RASSF5: variants seen among roughly 807,000 people sequenced by gnomAD.
RASSF5 encodes ras association domain-containing protein 5.
RASSF5 carries 25 observed loss-of-function variants against 40.5 expected under a neutral mutation model. The ratio of observed to expected loss-of-function variants is 0.62; its 90% CI spans 0.45 to 0.86. The LOEUF (loss-of-function observed/expected upper bound fraction) is 0.86, where lower values mean the gene tolerates loss of function less well. RASSF5 is among the 40% of genes least tolerant of loss of function. The pLI is 0.00. For synonymous variants in RASSF5, 246 were observed against 252.4 expected (o/e 0.97, Z 0.24); for missense variants, 521 against 572.8 (o/e 0.91, Z 0.92).
At chr1:206,532,683 G>T (rs1667273720) in intron 1 of RASSF5, among the ~76,000 whole-genome samples, 1 of 152,240 alleles carries the variant, frequency 6.6e-6, no homozygotes, top group Non-Finnish European at 1.5e-5. Context: ...AGAAGCTGCT[G>T]TTCACTGACC....
intron 1 of RASSF5, among the ~76,000 whole-genome samples, chr1:206,524,128 C>T (rs1255558206): frequency 8.4e-6 from 1 of 119,562 alleles, no homozygotes; most frequent in Non-Finnish European, 1.7e-5. Flanking sequence ...ATTATAGATA[C>T]CATATGTAAT....
At chr1:206,544,697 T>G (rs947773284) in intron 2 of RASSF5, 3 of 152,574 alleles carry the variant, frequency 2.0e-5, no homozygotes, top group Non-Finnish European at 4.4e-5. Flanking sequence ...CCCTGCTGCC[T>G]TTCTGCCTAC....
Position 206,524,768 on chromosome 1 carries a change from C to G in RASSF5, c.458-13404C>G, listed in dbSNP as rs931666835. 2.1e-5 allele frequency among the ~76,000 whole-genome samples: 3 copies of G among 146,122 alleles called. No homozygotes were observed. In the South Asian group the frequency reaches 6.4e-4, roughly 31 times the overall value. On this transcript the variant is annotated intron_variant, in intron 1 of 5. Transcript: ENST00000579436. ...GAAGGATTGCTTTCACTTGTCCTAG[C>G]AGGGAGTCAGTTAATATAGTCTATA...
rs1558521191 is a variant in RASSF5 at position 206,579,374 on chromosome 1, T to C, written c.580-3895T>C. Among the ~76,000 whole-genome samples the C allele has an allele frequency of 6.6e-6, 1 of 152,230 alleles. No individual in the cohort carries two copies. Among genetic ancestry groups the C allele is most frequent in the Non-Finnish European group, 1.5e-5 (1 of 68,040 alleles). The stretch of plus-strand genomic sequence containing the variant: ...CTTGGGCCACCCCAAGAGGCAAAAC[T>C]GTCTGCTTGGTTTCTCGCTTTGTAC... On this transcript the variant is annotated intron_variant, in intron 2 of 5. Coordinates refer to ENST00000579436, the MANE Select transcript of RASSF5 (RefSeq NM_182663.4). The surrounding 1 kb of genome is among the most constrained non-coding windows in gnomAD (Gnocchi z 4.2).
At chr1:206,549,102 G>A (rs1300587383) in intron 2 of RASSF5, among the ~76,000 whole-genome samples, 1 of 129,190 alleles carries the variant, frequency 7.7e-6, no homozygotes. Flanking sequence ...CTGACCTCAG[G>A]TGATCCACCC....
chr1:206,519,413 G>A (rs1469542231), intron 1 of RASSF5, among the ~76,000 whole-genome samples: 1 of 152,188 alleles, frequency 6.6e-6, no homozygotes, highest in Non-Finnish European at 1.5e-5. Flanking sequence ...ATTTACGTTT[G>A]TTTGCTTTTA....
At chr1:206,527,622 T>C (rs904612612) in intron 1 of RASSF5, among the ~76,000 whole-genome samples, 11 of 152,122 alleles carry the variant, frequency 7.2e-5, no homozygotes, top group Non-Finnish European at 1.2e-4. Context: ...TGGTTGAGCT[T>C]GGAGGAGAGC....
intron 2 of RASSF5, among the ~76,000 whole-genome samples, chr1:206,580,329 C>A (rs901172400): frequency 6.6e-6 from 1 of 152,140 alleles, no homozygotes; most frequent in East Asian, 1.9e-4. Context: ...GAGATCTTTC[C>A]GAAGCTTCTA....
chr1:206,508,487 C>T (rs1352262004), intron 1 of RASSF5, among the ~76,000 whole-genome samples: 5 of 152,132 alleles, frequency 3.3e-5, no homozygotes, highest in Non-Finnish European at 7.4e-5. Flanking sequence ...GACCGTTTGA[C>T]CCTTGCTTAT....
chr1:206,557,312 G>A (rs978889559), intron 2 of RASSF5: 3 of 1,252,004 alleles, frequency 2.4e-6, no homozygotes, highest in African/African-American at 3.2e-5. Context: ...CGCGAGCCGG[G>A]CGCCCGGGGC....
chr1:206,563,109 C>T (rs1553402909), intron 2 of RASSF5, among the ~76,000 whole-genome samples: 1 of 152,102 alleles, frequency 6.6e-6, no homozygotes, highest in Non-Finnish European at 1.5e-5. Context: ...ATCAGGATAA[C>T]ACATGGGAAG....
At chr1:206,522,140 A>G (rs1323092535) in intron 1 of RASSF5, among the ~76,000 whole-genome samples, 8 of 151,882 alleles carry the variant, frequency 5.3e-5, no homozygotes, top group African/African-American at 1.9e-4. Context: ...GAATCCTTTC[A>G]TACACTTCTT....
intron 2 of RASSF5, among the ~76,000 whole-genome samples, chr1:206,562,670 T>G (rs889021168): frequency 5.3e-5 from 8 of 152,136 alleles, no homozygotes; most frequent in Admixed American, 3.3e-4. Context: ...TGGTGGCTCA[T>G]GCCTGTAATC....
chr1:206,568,673 G>A (rs1668350207), intron 2 of RASSF5, among the ~76,000 whole-genome samples: 1 of 152,164 alleles, frequency 6.6e-6, no homozygotes, highest in East Asian at 1.9e-4. Flanking sequence ...CAGTCACCCG[G>A]GCCCTGTACA....
intron 2 of RASSF5, among the ~76,000 whole-genome samples, chr1:206,567,683 G>T (rs1553403604): frequency 6.6e-6 from 1 of 152,170 alleles, no homozygotes; most frequent in Admixed American, 6.5e-5. Flanking sequence ...ACAGTTGCCA[G>T]AGGTAGGGCT....
chr1:206,538,071 T>C, intron 1 of RASSF5, 101 bp from the exon 2 acceptor site: 2 of 1,528,272 alleles, frequency 1.3e-6, no homozygotes, highest in South Asian at 2.4e-5. Flanking sequence ...GCACTGCTCT[T>C]CCCACTGGGA....
At chr1:206,546,490 C>A (rs6677975) in intron 2 of RASSF5, among the ~76,000 whole-genome samples, 127,281 of 152,080 alleles carry the variant, frequency 0.84, 53,438 homozygotes, top group East Asian at 1. Context: ...TTTTGGACTA[C>A]TTGAATGTAC....
rs1485523455 is a variant in RASSF5 at position 206,584,146 on chromosome 1, C to T, written c.691-241C>T. Among the ~76,000 whole-genome samples the T allele has an allele frequency of 1.3e-5, 2 of 152,170 alleles. No individual in the cohort carries two copies. The highest frequency in any genetic ancestry group is 2.9e-5 in the Non-Finnish European group (2 of 68,016). The stretch of plus-strand genomic sequence containing the variant: ...GGTTTAGGGAGCTGGCCTGAGCCTC[C>T]TGGGAGGGAAATCCACTGCAGCCCC... On this transcript the variant is annotated intron_variant, in intron 3 of 5. Coordinates refer to ENST00000579436, the MANE Select transcript of RASSF5 (RefSeq NM_182663.4). This position sits in a 1 kb window ranked among gnomAD's most constrained non-coding sequence, Gnocchi z 4.9.
At chr1:206,519,166 G>A (rs1056945591) in intron 1 of RASSF5, among the ~76,000 whole-genome samples, 2 of 152,158 alleles carry the variant, frequency 1.3e-5, no homozygotes, top group Admixed American at 6.5e-5. Context: ...ACGGCATAGC[G>A]GTGAGTGAAA....
Sources: gnomAD v4.1 joint callset for allele counts (sites outside exome capture counted in the v4.1 genomes callset) on GRCh38, gnomAD v4.1.1 for gene constraint, Gnocchi (gnomAD v3.1) non-coding constraint, MANE v1.5 for transcripts, NCBI Gene and HGNC (gene_info 2026-07-23, HGNC 2026-07-21) for gene names.